WBP1L: variants seen among roughly 807,000 people sequenced by gnomAD.
The protein encoded by WBP1L is WW domain binding protein 1-like.
WBP1L carries 17 observed loss-of-function variants against 33.7 expected under a neutral mutation model. The ratio of observed to expected loss-of-function variants is 0.50; its 90% CI spans 0.34 to 0.76. The LOEUF is 0.76. Among genes scored for constraint, WBP1L ranks in the 30% least tolerant of loss-of-function variants. WBP1L has a pLI of 0.01. For missense variants in WBP1L, 389 were observed against 469.4 expected (o/e 0.83, Z 1.58); for synonymous variants, 173 against 190.8 (o/e 0.91, Z 0.77).
At chr10:102,778,413 G>A (rs1382040556) in intron 1 of WBP1L, among the ~76,000 whole-genome samples, 1 of 152,150 alleles carries the variant, frequency 6.6e-6, no homozygotes, top group African/African-American at 2.4e-5. Context: ...AGAGGGCGAG[G>A]GCTTGTGTCC....
At chr10:102,775,944 G>A (rs1308336595) in intron 1 of WBP1L, among the ~76,000 whole-genome samples, 1 of 152,134 alleles carries the variant, frequency 6.6e-6, no homozygotes, top group African/African-American at 2.4e-5. Flanking sequence ...CCTGCTTAGA[G>A]CCAAGGGGTT....
chr10:102,778,881 C>T (rs1161405476), intron 1 of WBP1L, among the ~76,000 whole-genome samples: 1 of 152,014 alleles, frequency 6.6e-6, no homozygotes, highest in East Asian at 1.9e-4. Flanking sequence ...TTGTTTTTTC[C>T]CCTTAATCCT....
intron 1 of WBP1L, among the ~76,000 whole-genome samples, chr10:102,770,524 T>A (rs1843174003): frequency 6.6e-6 from 1 of 152,178 alleles, no homozygotes; most frequent in Admixed American, 6.5e-5. Flanking sequence ...CAGCCTCAGT[T>A]GACCAGATGG....
rs187525167 is a variant in WBP1L at position 102,776,786 on chromosome 10, T to A, written c.91-21207T>A. Among the ~76,000 whole-genome samples the A allele has an allele frequency of 9.9e-5, 15 of 152,218 alleles. No homozygotes were observed. The East Asian group carries it at 2.1e-3, about 22-fold the overall frequency. On this transcript the variant is annotated intron_variant, in intron 1 of 3. Coordinates refer to ENST00000448841, the MANE Select transcript of WBP1L (RefSeq NM_001083913.2). Reference sequence around the variant, plus strand: ...CCTTTTATTCCTTCTCCATTTTGATTTGGCTAGTTAGTGGAGATTTCCTCA... The same window carrying A: ...CCTTTTATTCCTTCTCCATTTTGATATGGCTAGTTAGTGGAGATTTCCTCA...
chr10:102,813,411 T>C lies in WBP1L; in HGVS notation c.*80T>C. ...CCACGAGAGAAGCATTAAGTGACTT[T>C]CAAAGACTTTCAGAGTACAGCCACT... is the stretch of plus-strand genomic sequence containing the variant. On this transcript the variant is annotated 3_prime_UTR_variant, in exon 4 of 4. Coordinates refer to ENST00000448841, the MANE Select transcript of WBP1L (RefSeq NM_001083913.2). 1 of 1,489,116 alleles carries C rather than the reference T, an allele frequency of 6.7e-7. No individual in the cohort carries two copies. The highest frequency in any genetic ancestry group is 8.9e-7 in the Non-Finnish European group (1 of 1,122,260). The allele number at this position is 1,489,116 out of a possible 1,614,324, so 92.2% of individuals were successfully genotyped here. A position where few individuals can be genotyped will look rare whatever the true frequency, so the allele number is the denominator to read the frequency against.
intron 1 of WBP1L, among the ~76,000 whole-genome samples, chr10:102,782,611 A>G (rs1843354873): frequency 6.6e-6 from 1 of 152,074 alleles, no homozygotes; most frequent in African/African-American, 2.4e-5. Flanking sequence ...AGTGGGTTGA[A>G]AGAGCCCTGA....
At chr10:102,771,962 A>ATT (rs201457108) in intron 1 of WBP1L, among the ~76,000 whole-genome samples, 31 of 145,928 alleles carry the variant, frequency 2.1e-4, no homozygotes, top group East Asian at 4.2e-4. Context: ...AATCTGCAAC[A>ATT]TTTTTTTTTT....
chr10:102,799,492 C>T (rs1249425684), intron 2 of WBP1L, among the ~76,000 whole-genome samples: 1 of 152,048 alleles, frequency 6.6e-6, no homozygotes, highest in Non-Finnish European at 1.5e-5. Context: ...GTACTCTGAC[C>T]TTCCTGGAAC....
At chr10:102,784,573 C>G (rs958332779) in intron 1 of WBP1L, among the ~76,000 whole-genome samples, 5 of 151,738 alleles carry the variant, frequency 3.3e-5, no homozygotes, top group Non-Finnish European at 4.4e-5. Context: ...CTACAGGCGC[C>G]CGCCACCACA....
chr10:102,744,210 C>A, intron 1 of WBP1L, 67 bp downstream of exon 1: 1 of 1,455,932 alleles, frequency 6.9e-7, no homozygotes, highest in Non-Finnish European at 9.2e-7. Context: ...CTGGAGGGGT[C>A]TGAAGGAGTG....
At chr10:102,762,610 A>G (rs1843055490) in intron 1 of WBP1L, among the ~76,000 whole-genome samples, 2 of 152,254 alleles carry the variant, frequency 1.3e-5, no homozygotes, top group African/African-American at 4.8e-5. Context: ...ACACACATCC[A>G]TTTCCAACCT....
intron 3 of WBP1L, among the ~76,000 whole-genome samples, chr10:102,810,490 C>T (rs1843818161): frequency 2.2e-5 from 1 of 45,380 alleles, no homozygotes; most frequent in African/African-American, 5.8e-5. Context: ...TCCTTCCTTC[C>T]CTCCTTCCTT....
intron 1 of WBP1L, among the ~76,000 whole-genome samples, chr10:102,788,370 A>G (rs1043516791): frequency 6.6e-6 from 1 of 151,918 alleles, no homozygotes; most frequent in African/African-American, 2.4e-5. Flanking sequence ...TCGGCCTCCC[A>G]AAGTGCTGGG....
At chr10:102,800,505 A>C (rs1488438357) in intron 2 of WBP1L, among the ~76,000 whole-genome samples, 1 of 152,228 alleles carries the variant, frequency 6.6e-6, no homozygotes, top group Non-Finnish European at 1.5e-5. Context: ...AAAGAGCTGC[A>C]TGAACGGCTA....
At chr10:102,784,616 G>A (rs567598476) in intron 1 of WBP1L, among the ~76,000 whole-genome samples, 386 of 151,758 alleles carry the variant, frequency 2.5e-3, no homozygotes, top group Admixed American at 6.4e-3. Flanking sequence ...TAGTAGAGAC[G>A]GGGTTTCACC....
chr10:102,751,837 G>A (rs1445444732), intron 1 of WBP1L, among the ~76,000 whole-genome samples: 1 of 152,202 alleles, frequency 6.6e-6, no homozygotes, highest in East Asian at 1.9e-4. Context: ...TATAAAATGG[G>A]AATTGTACTA....
In WBP1L at chr10:102,813,220, G is replaced by A; in HGVS notation, c.981G>A (p.Gln327=). Residue 327 remains glutamine (Q), a synonymous_variant, in exon 4 of 4, where the codon CAG becomes CAA. Coordinates refer to ENST00000448841, the MANE Select transcript of WBP1L (RefSeq NM_001083913.2). ...EEGLCQSSEE[Q]AREPGHPHLP... ...GCCTCTGTCAGTCCTCTGAGGAGCAGGCTCGAGAGCCTGGGCACCCGCACC... is the reference window on the plus strand; with the variant it reads ...GCCTCTGTCAGTCCTCTGAGGAGCAAGCTCGAGAGCCTGGGCACCCGCACC... 1 of 1,612,996 alleles carries A rather than the reference G, an allele frequency of 6.2e-7. No individual in the cohort carries two copies. The highest frequency in any genetic ancestry group is 8.5e-7 in the Non-Finnish European group (1 of 1,179,970).
chr10:102,806,360 G>A (rs113211385), intron 2 of WBP1L, among the ~76,000 whole-genome samples: 1,700 of 152,142 alleles, frequency 0.011, 27 homozygotes, highest in African/African-American at 0.039. Context: ...ACTTGACTCC[G>A]AAATACACAT....
At chr10:102,798,232 C>T (rs536380977) in intron 2 of WBP1L, 137 bp downstream of exon 2, 1 of 675,670 alleles carries the variant, frequency 1.5e-6, no homozygotes, top group African/African-American at 1.8e-5. Context: ...TTATGGGTTC[C>T]AGAAGTGCTT....
Sources: gnomAD v4.1 joint callset for allele counts (sites outside exome capture counted in the v4.1 genomes callset) on GRCh38, gnomAD v4.1.1 for gene constraint, MANE v1.5 for transcripts, NCBI Gene and HGNC (gene_info 2026-07-23, HGNC 2026-07-21) for gene names.